TP63: variants seen among roughly 807,000 people sequenced by gnomAD.
TP63 encodes tumor protein p63.
Under a neutral mutation model 82.8 loss-of-function variants are expected in TP63, and 17 were observed. That is an observed-to-expected ratio of 0.21 (90% CI 0.14 to 0.31). TP63 has a LOEUF of 0.31. Ranked by LOEUF, TP63 falls within the 10% of genes least tolerant of loss-of-function variation. The pLI is 1.00. For missense variants in TP63, 648 were observed against 895.3 expected (o/e 0.72, Z 3.52); for synonymous variants, 330 against 321.7 (o/e 1.03, Z -0.28).
intron 1 of TP63, among the ~76,000 whole-genome samples, chr3:189,661,879 A>G (rs1713915869): frequency 1.3e-5 from 2 of 152,018 alleles, no homozygotes; most frequent in African/African-American, 4.8e-5. Flanking sequence ...ATAGTCTTTG[A>G]GAAACTTTTG....
At chr3:189,634,412 T>A (rs982329888) in intron 1 of TP63, among the ~76,000 whole-genome samples, 6 of 152,094 alleles carry the variant, frequency 3.9e-5, no homozygotes, top group Non-Finnish European at 8.8e-5. Context: ...AAAAAAGTGT[T>A]TAAATACATG....
chr3:189,849,796 G>C (rs1040256105), intron 4 of TP63, among the ~76,000 whole-genome samples: 3 of 152,074 alleles, frequency 2.0e-5, no homozygotes, highest in African/African-American at 7.3e-5. Context: ...GAATTAATAA[G>C]CTTCACCTCT....
intron 4 of TP63, among the ~76,000 whole-genome samples, chr3:189,858,659 G>A (rs1716623109): frequency 6.6e-6 from 1 of 152,082 alleles, no homozygotes; most frequent in African/African-American, 2.4e-5. Flanking sequence ...CGCACCTGTA[G>A]CCCTAGCTAC....
chr3:189,864,549 T>C, intron 5 of TP63, 131 bp downstream of exon 5: 2 of 786,146 alleles, frequency 2.5e-6, no homozygotes, highest in South Asian at 2.5e-5. Flanking sequence ...GCCTTTTTTT[T>C]TTTTTTTTTT....
At chr3:189,714,135 G>A (rs1334236474) in intron 1 of TP63, among the ~76,000 whole-genome samples, 4 of 152,086 alleles carry the variant, frequency 2.6e-5, no homozygotes, top group South Asian at 2.1e-4. Context: ...AAGACACCCC[G>A]TAAGTGGAAT....
intron 4 of TP63, among the ~76,000 whole-genome samples, chr3:189,845,672 A>T (rs934124676): frequency 6.7e-5 from 10 of 149,584 alleles, no homozygotes; most frequent in Non-Finnish European, 1.3e-4. Flanking sequence ...AACATGCCAG[A>T]CGTGAATTGA....
At chr3:189,735,263 C>T (rs566410981) in intron 1 of TP63, among the ~76,000 whole-genome samples, 3 of 152,292 alleles carry the variant, frequency 2.0e-5, no homozygotes, top group African/African-American at 7.2e-5. Context: ...CTGCACAGGT[C>T]GTTTTATCCA....
At chr3:189,672,551 G>T (rs1172786789) in intron 1 of TP63, among the ~76,000 whole-genome samples, 1 of 150,000 alleles carries the variant, frequency 6.7e-6, no homozygotes, top group Non-Finnish European at 1.5e-5. Context: ...ACAGTGAGCC[G>T]AGATCATGCC....
At chr3:189,848,795 A>G (rs1334369424) in intron 4 of TP63, among the ~76,000 whole-genome samples, 23 of 152,206 alleles carry the variant, frequency 1.5e-4, no homozygotes, top group Non-Finnish European at 3.1e-4. Context: ...ACCCTCTGTG[A>G]TATCATGAAA....
At chr3:189,825,087 A>G (rs1729199004) in intron 4 of TP63, among the ~76,000 whole-genome samples, 1 of 152,206 alleles carries the variant, frequency 6.6e-6, no homozygotes, top group South Asian at 2.1e-4. Context: ...TGGGAGATGA[A>G]TGTTCTTGTA....
intron 1 of TP63, among the ~76,000 whole-genome samples, chr3:189,655,385 G>A (rs1027207896): frequency 1.3e-5 from 2 of 152,164 alleles, no homozygotes; most frequent in African/African-American, 4.8e-5. Flanking sequence ...AGCACTTTGG[G>A]AGGCCGAGGC....
intron 3 of TP63, among the ~76,000 whole-genome samples, chr3:189,791,349 G>T (rs756133942): frequency 6.6e-6 from 1 of 152,078 alleles, no homozygotes; most frequent in Non-Finnish European, 1.5e-5. Flanking sequence ...GGCAAGAAAT[G>T]ATTAATTTTA....
At chr3:189,703,467 C>T (rs372395151) in intron 1 of TP63, among the ~76,000 whole-genome samples, 1 of 26,506 alleles carries the variant, frequency 3.8e-5, no homozygotes, top group Non-Finnish European at 8.4e-5. Flanking sequence ...TAGATAGATA[C>T]TCTCCCTGAT....
At chr3:189,830,321 T>C (rs540875403) in intron 4 of TP63, among the ~76,000 whole-genome samples, 2 of 152,104 alleles carry the variant, frequency 1.3e-5, no homozygotes, top group Admixed American at 6.5e-5. Context: ...ACAAAACACA[T>C]CTACCTTCAA....
intron 4 of TP63, among the ~76,000 whole-genome samples, chr3:189,853,906 T>C (rs1285215653): frequency 2.0e-5 from 3 of 152,154 alleles, no homozygotes; most frequent in Non-Finnish European, 4.4e-5. Flanking sequence ...CCCAGTGTAT[T>C]TTGGTTGTTT....
chr3:189,632,611 T>C (rs925531445), intron 1 of TP63, among the ~76,000 whole-genome samples: 2 of 151,724 alleles, frequency 1.3e-5, no homozygotes, highest in Non-Finnish European at 2.9e-5. Flanking sequence ...GAAAGATAAA[T>C]AGAATAAAGG....
At chr3:189,674,733 T>TA (rs1424767034) in intron 1 of TP63, among the ~76,000 whole-genome samples, 1 of 152,088 alleles carries the variant, frequency 6.6e-6, no homozygotes, top group East Asian at 1.9e-4. Context: ...AGAGTACAGA[T>TA]ATACACATAA....
intron 1 of TP63, among the ~76,000 whole-genome samples, chr3:189,725,927 C>T (rs1719743599): frequency 6.6e-6 from 1 of 152,078 alleles, no homozygotes; most frequent in Non-Finnish European, 1.5e-5. Context: ...TGCTGGCACG[C>T]ACCTGTAATC....
chr3:189,752,839 A>T (rs1577352624), intron 3 of TP63, among the ~76,000 whole-genome samples: 1 of 151,870 alleles, frequency 6.6e-6, no homozygotes, highest in South Asian at 2.1e-4. Flanking sequence ...ATACGTTTTG[A>T]TATATTTATT....
Sources: gnomAD v4.1 joint callset for allele counts (sites outside exome capture counted in the v4.1 genomes callset) on GRCh38, gnomAD v4.1.1 for gene constraint, MANE v1.5 for transcripts, NCBI Gene and HGNC (gene_info 2026-07-23, HGNC 2026-07-21) for gene names.